The following PEAK1 variants were observed in gnomAD, a reference collection of about 807,000 sequenced individuals.
PEAK1 encodes the protein inactive tyrosine-protein kinase PEAK1.
A neutral mutation model predicts 124.7 loss-of-function variants in PEAK1; 54 were observed. The ratio of observed to expected loss-of-function variants is 0.43; its 90% CI spans 0.35 to 0.54. PEAK1 has a LOEUF of 0.54. PEAK1 is among the 20% of genes least tolerant of loss of function. The pLI is 0.01. For missense variants in PEAK1, 2,046 were observed against 2,134.5 expected (o/e 0.96, Z 0.82); for synonymous variants, 719 against 760.0 (o/e 0.95, Z 0.89).
upstream of PEAK1, chr15:77,420,447 G>T (rs1314649011): frequency 6.4e-6 from 1 of 155,930 alleles, no homozygotes; most frequent in Non-Finnish European, 1.4e-5. Flanking sequence ...TTGGGCCCGC[G>T]TGAGGGAAAA....
intron 2 of PEAK1, among the ~76,000 whole-genome samples, chr15:77,317,440 G>T (rs1460512957): frequency 6.6e-6 from 1 of 152,030 alleles, no homozygotes; most frequent in Non-Finnish European, 1.5e-5. Flanking sequence ...CTTTTAATTT[G>T]TACCTTGCAC....
intron 7 of PEAK1, among the ~76,000 whole-genome samples, chr15:77,160,618 G>A (rs1278546008): frequency 1.3e-5 from 2 of 152,148 alleles, no homozygotes; most frequent in Non-Finnish European, 2.9e-5. Flanking sequence ...AGAGGTTGCA[G>A]TGAGCCGAGA....
intron 9 of PEAK1, among the ~76,000 whole-genome samples, chr15:77,120,098 TGTCG>T (rs2051771776): frequency 6.6e-6 from 1 of 152,232 alleles, no homozygotes; most frequent in Non-Finnish European, 1.5e-5. Context: ...GGAATTAATC[TGTCG>T]TTGAATGGCA....
chr15:77,412,659 T>C (rs2072509228), intron 1 of PEAK1, among the ~76,000 whole-genome samples: 1 of 152,134 alleles, frequency 6.6e-6, no homozygotes, highest in Non-Finnish European at 1.5e-5. Context: ...TGAGAAAGTC[T>C]AGGAGCAATG....
rs1567084095 is a variant in PEAK1 at position 77,181,938 on chromosome 15, G to A, written c.-12C>T. Reference sequence around the variant, plus strand: ...TTACAAGCAGACATTTTTAAAAATAGAACTTCACAGACAATGCTTTTCTTT... The same window carrying A: ...TTACAAGCAGACATTTTTAAAAATAAAACTTCACAGACAATGCTTTTCTTT... On this transcript the variant is annotated 5_prime_UTR_variant, in exon 7 of 10. Transcript: ENST00000682557. 1 of 1,533,612 alleles carries A rather than the reference G, an allele frequency of 6.5e-7. No individual in the cohort carries two copies. The highest frequency in any genetic ancestry group is 8.8e-7 in the Non-Finnish European group (1 of 1,142,826).
At chr15:77,322,159 G>A (rs1342660677) in intron 2 of PEAK1, among the ~76,000 whole-genome samples, 2 of 152,226 alleles carry the variant, frequency 1.3e-5, no homozygotes, top group African/African-American at 2.4e-5. Flanking sequence ...TGGCATTAAT[G>A]CCCACAAGAG....
At chr15:77,184,564 A>G (rs910252711) in intron 6 of PEAK1, among the ~76,000 whole-genome samples, 3 of 152,244 alleles carry the variant, frequency 2.0e-5, no homozygotes, top group African/African-American at 7.2e-5. Context: ...GTTAGGTGGC[A>G]GTGGTTACAT....
At chr15:77,300,335 G>A (rs1251573097) in intron 2 of PEAK1, among the ~76,000 whole-genome samples, 1 of 152,210 alleles carries the variant, frequency 6.6e-6, no homozygotes, top group Non-Finnish European at 1.5e-5. Flanking sequence ...GAGGAGTACT[G>A]TTAGTAGGCA....
At chr15:77,402,598 T>G (rs1597618190) in intron 1 of PEAK1, 1 of 982,866 alleles carries the variant, frequency 1.0e-6, no homozygotes, top group East Asian at 1.1e-4. Context: ...ATGCTCCAGT[T>G]TTGAATGAAG....
chr15:77,420,909 T>A, upstream of PEAK1: 1 of 398,750 alleles, frequency 2.5e-6, no homozygotes, highest in Non-Finnish European at 4.4e-6. Context: ...GACGAGTGCG[T>A]GAAGTGAAGG....
intron 6 of PEAK1, among the ~76,000 whole-genome samples, chr15:77,192,293 T>C (rs182091726): frequency 1.4e-4 from 22 of 152,280 alleles, no homozygotes; most frequent in African/African-American, 5.3e-4. Context: ...AAAATGAGAC[T>C]TGGGTTTAGT....
intron 1 of PEAK1, among the ~76,000 whole-genome samples, chr15:77,414,209 T>TCC (rs2072680286): frequency 1.7e-5 from 1 of 57,904 alleles, no homozygotes; most frequent in Non-Finnish European, 5.4e-5. Context: ...CTTTCCTTCT[T>TCC]TTTTTTTTTT....
Position 77,180,929 on chromosome 15 carries a change from A to T in PEAK1, c.998T>A (p.Ile333Asn). 6.2e-7 allele frequency: 1 copy of T among 1,614,124 alleles called. No individual in the cohort carries two copies. The highest frequency in any genetic ancestry group is 8.5e-7 in the Non-Finnish European group (1 of 1,180,014). The change falls in exon 7 of 10, where the codon ATT becomes AAT. Residue 333 changes from isoleucine (I) to asparagine (N), a missense_variant. Physicochemically the swap from Ile to Asn is moderately radical, Grantham distance 149. Coordinates refer to ENST00000682557, the MANE Select transcript of PEAK1 (RefSeq NM_001385026.1). ...GGAGTCAGATGACACCATGCTCTGA[A>T]TGCTTCCTTGTCCATAAGAGACCAC... ...NSVVSYGQGSIQSMVSSDSTS... is the reference protein window; with the variant it reads ...NSVVSYGQGSNQSMVSSDSTS...
chr15:77,332,969 T>C (rs2065983331), intron 2 of PEAK1: 1 of 760,562 alleles, frequency 1.3e-6, no homozygotes, highest in Non-Finnish European at 1.6e-6. Flanking sequence ...GCCCTATTCA[T>C]GACTGCTCCT....
intron 6 of PEAK1, among the ~76,000 whole-genome samples, chr15:77,215,131 A>T (rs2059090291): frequency 6.6e-6 from 1 of 152,186 alleles, no homozygotes; most frequent in Non-Finnish European, 1.5e-5. Context: ...TCTTTTGCTA[A>T]AATTCACATT....
At chr15:77,410,044 T>C (rs1048525952) in intron 1 of PEAK1, among the ~76,000 whole-genome samples, 18 of 151,400 alleles carry the variant, frequency 1.2e-4, no homozygotes, top group African/African-American at 4.1e-4. Context: ...GTGGTTTTTT[T>C]GTTTTGTTTT....
rs577212360 is a variant in PEAK1 at position 77,342,627 on chromosome 15, T to C, written c.-603+22536A>G. ...TCTCACTATGTTGCCCAGACTAGTC[T>C]AGAAGTCCTGGGCTCAAGCAATCCT... On this transcript the variant is annotated intron_variant, in intron 2 of 9. Transcript: ENST00000682557. Among the ~76,000 whole-genome samples, 636 of 152,246 alleles carry C rather than the reference T, an allele frequency of 4.2e-3. 5 individuals are homozygous for C. The highest frequency in any genetic ancestry group is 6.5e-3 in the Non-Finnish European group (440 of 68,006).
At chr15:77,397,905 C>A (rs1393596300) in intron 1 of PEAK1, among the ~76,000 whole-genome samples, 2 of 147,592 alleles carry the variant, frequency 1.4e-5, no homozygotes, top group African/African-American at 5.0e-5. Context: ...ACTAAAAATA[C>A]AAAAAAAAAA....
chr15:77,330,700 A>G (rs1285634958), intron 2 of PEAK1, among the ~76,000 whole-genome samples: 1 of 152,096 alleles, frequency 6.6e-6, no homozygotes, highest in Non-Finnish European at 1.5e-5. Flanking sequence ...CTTTATTCAA[A>G]TATTTTTCAG....
Sources: allele counts gnomAD v4.1 joint callset (sites outside exome capture counted in the v4.1 genomes callset), GRCh38; gene constraint gnomAD v4.1.1; transcripts MANE v1.5; gene names NCBI Gene and HGNC (gene_info 2026-07-23, HGNC 2026-07-21).